The following STAT4 variants were observed in gnomAD, a reference collection of about 807,000 sequenced individuals.
The protein encoded by STAT4 is signal transducer and activator of transcription 4.
STAT4 carries 42 observed loss-of-function variants against 110.5 expected under a neutral mutation model. The observed-to-expected ratio is 0.38, with a 90% CI of 0.30 to 0.49. STAT4 has a LOEUF of 0.49. STAT4 is among the 20% of genes least tolerant of loss of function. STAT4 has a pLI of 0.95. For synonymous variants in STAT4, 284 were observed against 302.2 expected (o/e 0.94, Z 0.63); for missense variants, 632 against 887.9 (o/e 0.71, Z 3.66).
intron 3 of STAT4, among the ~76,000 whole-genome samples, chr2:191,114,028 T>C (rs1574168263): frequency 6.6e-6 from 1 of 152,238 alleles, no homozygotes; most frequent in Admixed American, 6.5e-5. Context: ...AGATGTGATA[T>C]ACAGGAAGCT....
chr2:191,145,372 T>C lies in STAT4; in HGVS notation c.273+1241A>G, dbSNP rs974948545. ...CAATCACTTAAAAATATAAAAACCA[T>C]TCTTAGTCATGGGCCATATGAAAAT... On this transcript the variant is annotated intron_variant, in intron 3 of 23. Coordinates refer to ENST00000392320, the MANE Select transcript of STAT4 (RefSeq NM_003151.4). Among the ~76,000 whole-genome samples the C allele has an allele frequency of 3.3e-5, 5 of 152,210 alleles. 1 individual carries two copies. In the East Asian group the frequency reaches 5.8e-4, roughly 18 times the overall value.
intron 14 of STAT4, among the ~76,000 whole-genome samples, chr2:191,052,870 T>C (rs527634255): frequency 6.6e-6 from 1 of 152,278 alleles, no homozygotes; most frequent in African/African-American, 2.4e-5. Flanking sequence ...CACTCAATCG[T>C]TTTACTAGAA....
chr2:191,080,296 A>C (rs996943183), intron 3 of STAT4, among the ~76,000 whole-genome samples: 3 of 152,080 alleles, frequency 2.0e-5, no homozygotes, highest in Admixed American at 6.6e-5. Context: ...TTGTGTACAT[A>C]TATTAAAAGG....
At chr2:191,109,294 T>C (rs1326026462) in intron 3 of STAT4, among the ~76,000 whole-genome samples, 7 of 151,456 alleles carry the variant, frequency 4.6e-5, no homozygotes, top group Non-Finnish European at 7.4e-5. Flanking sequence ...TTTTTTTGTT[T>C]TGTTTTGTTT....
intron 3 of STAT4, among the ~76,000 whole-genome samples, chr2:191,080,550 A>C (rs542209032): frequency 6.6e-6 from 1 of 152,318 alleles, no homozygotes; most frequent in South Asian, 2.1e-4. Flanking sequence ...TCTCAGTAGA[A>C]GGTTTCAGAC....
Position 191,032,010 on chromosome 2 carries a change from A to G in STAT4, c.2045-494T>C, listed in dbSNP as rs1695910351. ...AACCTCACCTTGGAAAAATTCCCCA[A>G]ACTTCTCTGGTATACCATGTTGAAC... On this transcript the variant is annotated intron_variant, in intron 21 of 23. Coordinates refer to ENST00000392320, the MANE Select transcript of STAT4 (RefSeq NM_003151.4). This position sits in a 1 kb window ranked among gnomAD's most constrained non-coding sequence, Gnocchi z 4.9. 6.6e-6 allele frequency among the ~76,000 whole-genome samples: 1 copy of G among 152,200 alleles called. No homozygotes were observed. Among genetic ancestry groups the G allele is most frequent in the Non-Finnish European group, 1.5e-5 (1 of 68,028 alleles).
rs1218486475 is a variant in STAT4, at chr2:191,046,446, C to T, written c.1252-5298G>A. Among the ~76,000 whole-genome samples, 1 of 152,056 alleles carries T rather than the reference C, an allele frequency of 6.6e-6. No individual in the cohort carries two copies. The highest frequency in any genetic ancestry group is 2.4e-5 in the African/African-American group (1 of 41,396). Reference sequence around the variant, plus strand: ...GTGTGGCCTCTAGGTCTCTCCTGTGCCTAGATATGTTTGCACTGAAGGTGT... The same window carrying T: ...GTGTGGCCTCTAGGTCTCTCCTGTGTCTAGATATGTTTGCACTGAAGGTGT... On this transcript the variant is annotated intron_variant, in intron 14 of 23. Coordinates refer to ENST00000392320, the MANE Select transcript of STAT4 (RefSeq NM_003151.4). The surrounding 1 kb of genome is among the most constrained non-coding windows in gnomAD (Gnocchi z 4.6).
chr2:191,063,384 AT>A (rs1225338768), intron 8 of STAT4, among the ~76,000 whole-genome samples: 1 of 152,164 alleles, frequency 6.6e-6, no homozygotes, highest in Non-Finnish European at 1.5e-5. Context: ...CACAATATAT[AT>A]TTTTACAAGT....
Position 191,144,276 on chromosome 2 carries a change from AG to A in STAT4, c.273+2336del, listed in dbSNP as rs1699406366. ...GTTGTTGCTGGAGGGCTGGAGGATG[AG>A]AACACAGACTAAAGCATGTGGTGAA... On this transcript the variant is annotated intron_variant, in intron 3 of 23. Transcript: ENST00000392320. The surrounding 1 kb of genome is among the most constrained non-coding windows in gnomAD (Gnocchi z 4.7). Among the ~76,000 whole-genome samples the A allele has an allele frequency of 6.6e-6, 1 of 152,168 alleles. No individual in the cohort carries two copies.
intron 3 of STAT4, among the ~76,000 whole-genome samples, chr2:191,089,523 T>C (rs1697735364): frequency 6.6e-6 from 1 of 152,218 alleles, no homozygotes; most frequent in East Asian, 1.9e-4. Context: ...CTAAACATAC[T>C]CTTGTAATAT....
In STAT4 at chr2:191,112,203, C is replaced by T. The variant is rs766579450; in HGVS notation, c.273+34410G>A. Among the ~76,000 whole-genome samples, 1 of 152,008 alleles carries T rather than the reference C, an allele frequency of 6.6e-6. No homozygotes were observed. Among genetic ancestry groups the T allele is most frequent in the Non-Finnish European group, 1.5e-5 (1 of 67,992 alleles). ...ACATGTTTTTGGAGAAATAAAAAGACAAAATTTGGAGAAATTACCTACATG... is the reference window on the plus strand; with the variant it reads ...ACATGTTTTTGGAGAAATAAAAAGATAAAATTTGGAGAAATTACCTACATG... On this transcript the variant is annotated intron_variant, in intron 3 of 23. Coordinates refer to ENST00000392320, the MANE Select transcript of STAT4 (RefSeq NM_003151.4). The surrounding 1 kb of genome is among the most constrained non-coding windows in gnomAD (Gnocchi z 4.3).
chr2:191,065,784 C>T (rs975868887), intron 7 of STAT4, among the ~76,000 whole-genome samples: 1 of 151,848 alleles, frequency 6.6e-6, no homozygotes, highest in Admixed American at 6.6e-5. Context: ...AAAATTGAGC[C>T]GAACTTTTAG....
At position 191,034,073 on chromosome 2, in the gene STAT4, G is replaced by A. The variant is rs1010786857; in HGVS notation, c.1621-68C>T. On this transcript the variant is annotated intron_variant, in intron 18 of 23. Transcript: ENST00000392320. The stretch of plus-strand genomic sequence containing the variant: ...TAATAATGTTGATATAATAATTTAA[G>A]TTCAATTTTTCACCAAAATATTATC... 6 of 1,126,874 alleles carry A rather than the reference G, an allele frequency of 5.3e-6. No individual in the cohort carries two copies. In the African/African-American group the frequency reaches 9.6e-5, roughly 18 times the overall value. 69.8% of individuals were successfully genotyped at this position (1,126,874 alleles called of 1,614,324 possible).
chr2:191,042,126 CA>C lies in STAT4; in HGVS notation c.1252-979del, dbSNP rs1696217922. On this transcript the variant is annotated intron_variant, in intron 14 of 23. Coordinates refer to ENST00000392320, the MANE Select transcript of STAT4 (RefSeq NM_003151.4). The surrounding 1 kb of genome is among the most constrained non-coding windows in gnomAD (Gnocchi z 4.2). ...TTCTATACCCAACACCGTCCTCCAACACCCCTTTGAAACAGCCAGATTCTAA... is the reference window on the plus strand; with the variant it reads ...TTCTATACCCAACACCGTCCTCCAACCCCCTTTGAAACAGCCAGATTCTAA... Among the ~76,000 whole-genome samples, 1 of 152,180 alleles carries C rather than the reference CA, an allele frequency of 6.6e-6. No homozygotes were observed. Among genetic ancestry groups the C allele is most frequent in the Non-Finnish European group, 1.5e-5 (1 of 68,028 alleles).
intron 2 of STAT4, 47 bp downstream of exon 2, chr2:191,148,028 AT>A: frequency 6.2e-7 from 1 of 1,611,634 alleles, no homozygotes. Flanking sequence ...TGGATAGAGC[AT>A]CAGACATTTG....
chr2:191,038,347 C>T (rs183410826), intron 16 of STAT4, among the ~76,000 whole-genome samples: 3 of 152,272 alleles, frequency 2.0e-5, no homozygotes, highest in Admixed American at 1.3e-4. Flanking sequence ...TCATTTTCCT[C>T]GTTGTTTCCT....
chr2:191,132,153 G>T (rs1699053121), intron 3 of STAT4, among the ~76,000 whole-genome samples: 1 of 151,704 alleles, frequency 6.6e-6, no homozygotes, highest in South Asian at 2.1e-4. Flanking sequence ...CATCAGTAGG[G>T]CTAGTAAGTT....
intron 3 of STAT4, among the ~76,000 whole-genome samples, chr2:191,120,559 A>G (rs1223449611): frequency 6.6e-6 from 1 of 152,192 alleles, no homozygotes; most frequent in Non-Finnish European, 1.5e-5. Flanking sequence ...TACTTTAAAA[A>G]AAGAGGATAT....
chr2:191,034,656 G>T (rs1695996159), intron 17 of STAT4, 59 bp from the exon 18 acceptor site: 4 of 1,272,290 alleles, frequency 3.1e-6, no homozygotes, highest in South Asian at 1.2e-5. Context: ...TCAATTTTGT[G>T]CTCAATTTAG....
Sources: allele counts gnomAD v4.1 joint callset (sites outside exome capture counted in the v4.1 genomes callset), GRCh38; gene constraint gnomAD v4.1.1; non-coding constraint Gnocchi (gnomAD v3.1); transcripts MANE v1.5; gene names NCBI Gene and HGNC (gene_info 2026-07-23, HGNC 2026-07-21).